Variants in MAN1C1 observed in about 807,000 individuals in gnomAD.
The protein encoded by MAN1C1 is mannosidase alpha class 1C member 1.
Under a neutral mutation model 71.5 loss-of-function variants are expected in MAN1C1, and 49 were observed. The observed-to-expected ratio is 0.69, with a 90% CI of 0.54 to 0.87. The LOEUF (loss-of-function observed/expected upper bound fraction) is 0.87. Among genes scored for constraint, MAN1C1 ranks in the 40% least tolerant of loss-of-function variants. MAN1C1 has a pLI of 0.00. For missense variants in MAN1C1, 743 were observed against 835.0 expected (o/e 0.89, Z 1.36); for synonymous variants, 352 against 343.7 (o/e 1.02, Z -0.27).
intron 2 of MAN1C1, among the ~76,000 whole-genome samples, chr1:25,716,247 A>G (rs2046679080): frequency 6.6e-6 from 1 of 152,144 alleles, no homozygotes; most frequent in Non-Finnish European, 1.5e-5. Context: ...ATTGAAGGAG[A>G]ATGGATATTA....
chr1:25,744,210 G>C (rs2047097539), intron 2 of MAN1C1, among the ~76,000 whole-genome samples: 1 of 152,174 alleles, frequency 6.6e-6, no homozygotes, highest in Non-Finnish European at 1.5e-5. Flanking sequence ...GCTTTGCTCA[G>C]TCTGCCTGGG....
intron 1 of MAN1C1, among the ~76,000 whole-genome samples, chr1:25,680,648 A>G (rs1019319871): frequency 6.6e-6 from 1 of 152,220 alleles, no homozygotes; most frequent in Middle Eastern, 3.2e-3. Flanking sequence ...ACAGTGCTTC[A>G]TTCCTTTTTC....
intron 1 of MAN1C1, among the ~76,000 whole-genome samples, chr1:25,649,074 T>A (rs2045655114): frequency 6.6e-6 from 1 of 152,058 alleles, no homozygotes; most frequent in Admixed American, 6.5e-5. Flanking sequence ...TTCACAAGCA[T>A]TGTTCTTAAC....
intron 2 of MAN1C1, among the ~76,000 whole-genome samples, chr1:25,743,676 G>A (rs1203128798): frequency 1.3e-5 from 2 of 152,190 alleles, no homozygotes; most frequent in Admixed American, 6.5e-5. Flanking sequence ...CTCATAGAGC[G>A]TCCCCAGGGA....
intron 2 of MAN1C1, among the ~76,000 whole-genome samples, chr1:25,687,676 C>G (rs1336076579): frequency 1.3e-5 from 2 of 152,190 alleles, no homozygotes; most frequent in African/African-American, 4.8e-5. Context: ...GCCCTCCTCC[C>G]CTTCACCAGT....
intron 1 of MAN1C1, among the ~76,000 whole-genome samples, chr1:25,648,775 A>T (rs746142767): frequency 1.3e-5 from 2 of 152,204 alleles, no homozygotes; most frequent in Non-Finnish European, 2.9e-5. Flanking sequence ...TCTCTTACAC[A>T]TTCAAAAAAT....
chr1:25,766,457 C>T (rs955556137), intron 7 of MAN1C1, among the ~76,000 whole-genome samples: 3 of 152,172 alleles, frequency 2.0e-5, no homozygotes, highest in Non-Finnish European at 4.4e-5. Context: ...CAGAACAAGC[C>T]TGAAGGCAGG....
In MAN1C1 at chr1:25,778,183, C is replaced by T. The variant is rs1295373070; in HGVS notation, c.1336C>T (p.His446Tyr). 1 of 1,612,366 alleles carries T rather than the reference C, an allele frequency of 6.2e-7. No individual in the cohort carries two copies. Among genetic ancestry groups the T allele is most frequent in the Non-Finnish European group, 8.5e-7 (1 of 1,179,054 alleles). ...CGAGTGGCGAGGGGGGATTCTGGAC[C>T]ACAAGATGGGGCACCTGGCCTGTTT... ...IAEWRGGILD[H>Y]KMGHLACFSG... Residue 446 changes from histidine to tyrosine, a missense_variant, in exon 9 of 12, where the codon CAC (histidine) becomes TAC (tyrosine). By Grantham distance (83) the His-to-Tyr change is moderately conservative (BLOSUM62 2). Coordinates refer to ENST00000374332, the MANE Select transcript of MAN1C1 (RefSeq NM_020379.4). The surrounding 1 kb of genome is among the most constrained non-coding windows in gnomAD (Gnocchi z 5.5).
At chr1:25,663,755 C>T (rs370452693) in intron 1 of MAN1C1, among the ~76,000 whole-genome samples, 5 of 152,092 alleles carry the variant, frequency 3.3e-5, no homozygotes, top group South Asian at 2.1e-4. Context: ...ATTGAAGTCG[C>T]GAGGGAGAGG....
rs2047732149 is a variant in MAN1C1 at position 25,783,842 on chromosome 1, A to G, written c.*53A>G. On this transcript the variant is annotated 3_prime_UTR_variant, in exon 12 of 12. Transcript: ENST00000374332. ...CGCCGCAGGGATGCCTTGCCTTTTCAGGATTTGAGACTGTTCTCAAAGGGA... is the reference window on the plus strand; with the variant it reads ...CGCCGCAGGGATGCCTTGCCTTTTCGGGATTTGAGACTGTTCTCAAAGGGA... The G allele has an allele frequency of 9.4e-6, 15 of 1,589,282 alleles. No individual in the cohort carries two copies. Among genetic ancestry groups the G allele is most frequent in the Non-Finnish European group, 1.0e-5 (12 of 1,172,366 alleles).
chr1:25,674,343 T>C (rs2046034564), intron 1 of MAN1C1, among the ~76,000 whole-genome samples: 1 of 152,192 alleles, frequency 6.6e-6, no homozygotes, highest in Admixed American at 6.5e-5. Flanking sequence ...CCATCCTTAG[T>C]CATTTAATCA....
At chr1:25,677,492 A>G (rs959871253) in intron 1 of MAN1C1, among the ~76,000 whole-genome samples, 2 of 152,078 alleles carry the variant, frequency 1.3e-5, no homozygotes, top group Non-Finnish European at 2.9e-5. Flanking sequence ...ACAGGGGTAC[A>G]GTTTCTTTTG....
chr1:25,708,947 T>A (rs920748425), intron 2 of MAN1C1, among the ~76,000 whole-genome samples: 2 of 152,036 alleles, frequency 1.3e-5, no homozygotes, highest in African/African-American at 4.8e-5. Context: ...TAAATTTCAT[T>A]CCACTCCAAC....
chr1:25,736,836 C>G (rs1218567458), intron 2 of MAN1C1, among the ~76,000 whole-genome samples: 1 of 152,226 alleles, frequency 6.6e-6, no homozygotes, highest in Non-Finnish European at 1.5e-5. Flanking sequence ...CTCATTATCC[C>G]ATTTCACTGA....
chr1:25,755,482 T>C (rs147900138), intron 5 of MAN1C1, among the ~76,000 whole-genome samples: 18 of 152,368 alleles, frequency 1.2e-4, no homozygotes, highest in African/African-American at 3.4e-4. Context: ...AATATCCATT[T>C]ACACATGCAT....
rs781468504 is a variant in MAN1C1, at chr1:25,753,466, T to G, written c.835-18T>G. On this transcript the variant is annotated intron_variant, in intron 4 of 11. Coordinates refer to ENST00000374332, the MANE Select transcript of MAN1C1 (RefSeq NM_020379.4). The surrounding 1 kb of genome is among the most constrained non-coding windows in gnomAD (Gnocchi z 4.9). ...ACCCAGCCTGGAGTCAAAAGCCCTT[T>G]GATCCCCTCCTTTACAGGTGTTCCG... 2 of 1,600,662 alleles carry G rather than the reference T, an allele frequency of 1.2e-6. No individual in the cohort carries two copies. The highest frequency in any genetic ancestry group is 2.2e-5 in the South Asian group (2 of 90,310).
intron 5 of MAN1C1, among the ~76,000 whole-genome samples, chr1:25,755,121 G>A (rs963915748): frequency 3.3e-5 from 5 of 152,180 alleles, no homozygotes; most frequent in African/African-American, 9.7e-5. Flanking sequence ...CTTCAGGAGA[G>A]TAGGTAACCA....
intron 2 of MAN1C1, among the ~76,000 whole-genome samples, chr1:25,706,044 G>A (rs1421585281): frequency 6.6e-6 from 1 of 152,176 alleles, no homozygotes; most frequent in African/African-American, 2.4e-5. Context: ...GAGAGGTTGG[G>A]TACCTTGTTT....
chr1:25,771,902 G>C, intron 8 of MAN1C1, 130 bp downstream of exon 8: 2 of 679,348 alleles, frequency 2.9e-6, no homozygotes, highest in Non-Finnish European at 2.6e-6. Flanking sequence ...GCAATGAACC[G>C]GTGAGAAGAT....
Sources: allele counts gnomAD v4.1 joint callset (sites outside exome capture counted in the v4.1 genomes callset), GRCh38; gene constraint gnomAD v4.1.1; non-coding constraint Gnocchi (gnomAD v3.1); transcripts MANE v1.5; gene names NCBI Gene and HGNC (gene_info 2026-07-23, HGNC 2026-07-21).